The following HMGCLL1 variants were observed in gnomAD, a reference collection of about 807,000 sequenced individuals.
HMGCLL1 encodes 3-hydroxy-3-methylglutaryl-CoA lyase like 1.
In HMGCLL1, 36 loss-of-function variants were observed where a neutral mutation model predicts 39.1. That is an observed-to-expected ratio of 0.92 (90% CI 0.71 to 1.22). HMGCLL1 has a LOEUF of 1.22. Ranked by LOEUF, HMGCLL1 falls within the 50% of genes most tolerant of loss-of-function variation. The probability of loss-of-function intolerance (pLI) is 0.00; values close to 1 mark genes in which losing one functional copy is unlikely to be tolerated. For missense variants in HMGCLL1, 451 were observed against 416.5 expected (o/e 1.08, Z -0.72); for synonymous variants, 149 against 144.0 (o/e 1.03, Z -0.25).
chr6:55,633,478 A>T, the HMGCLL1 span, among the ~76,000 whole-genome samples: 1 of 149,572 alleles, frequency 6.7e-6, no homozygotes, highest in East Asian at 2.0e-4. Flanking sequence ...ATGGAATAAT[A>T]AAAAAAACAA....
At chr6:55,445,834 C>T (rs377471021) in intron 7 of HMGCLL1, among the ~76,000 whole-genome samples, 1 of 152,018 alleles carries the variant, frequency 6.6e-6, no homozygotes, top group Admixed American at 6.6e-5. Flanking sequence ...CAATATAGCA[C>T]CAAAATCCAC....
At chr6:55,483,938 T>A (rs970328128) in intron 7 of HMGCLL1, among the ~76,000 whole-genome samples, 1 of 152,164 alleles carries the variant, frequency 6.6e-6, no homozygotes, top group Non-Finnish European at 1.5e-5. Context: ...ACGTTATGTG[T>A]CATGGATGAA....
chr6:55,467,582 G>A (rs1764847593), intron 7 of HMGCLL1, among the ~76,000 whole-genome samples: 1 of 152,000 alleles, frequency 6.6e-6, no homozygotes, highest in Non-Finnish European at 1.5e-5. Flanking sequence ...TTAAGTGCAG[G>A]TATGTTCTTC....
the HMGCLL1 span, among the ~76,000 whole-genome samples, chr6:55,635,012 A>G: frequency 6.6e-6 from 1 of 152,094 alleles, no homozygotes; most frequent in Non-Finnish European, 1.5e-5. Flanking sequence ...AAATCTCCCT[A>G]AAGGACAGTT....
At chr6:55,492,319 C>T (rs892176267) in intron 7 of HMGCLL1, among the ~76,000 whole-genome samples, 2 of 152,118 alleles carry the variant, frequency 1.3e-5, no homozygotes, top group Admixed American at 6.6e-5. Flanking sequence ...CAGTTTTCTT[C>T]AATATATTTT....
chr6:55,462,895 C>T (rs1581807903), intron 7 of HMGCLL1, among the ~76,000 whole-genome samples: 1 of 152,152 alleles, frequency 6.6e-6, no homozygotes, highest in South Asian at 2.1e-4. Context: ...TTAAAAACAT[C>T]GTTTATGTAA....
intron 1 of HMGCLL1, among the ~76,000 whole-genome samples, chr6:55,544,523 C>A (rs1769844841): frequency 6.6e-6 from 1 of 152,088 alleles, no homozygotes; most frequent in African/African-American, 2.4e-5. Context: ...TGCCTTTTAT[C>A]AGGAATGATG....
chr6:55,670,444 T>G, the HMGCLL1 span, among the ~76,000 whole-genome samples: 105 of 152,018 alleles, frequency 6.9e-4, no homozygotes, highest in African/African-American at 2.4e-3. Flanking sequence ...ATCTGAGTTA[T>G]GTTACATTTT....
intron 7 of HMGCLL1, among the ~76,000 whole-genome samples, chr6:55,480,752 T>C (rs1253623356): frequency 1.3e-5 from 2 of 151,490 alleles, no homozygotes; most frequent in Admixed American, 6.6e-5. Flanking sequence ...AATAGACAAA[T>C]GGATAAAGAT....
intron 7 of HMGCLL1, among the ~76,000 whole-genome samples, chr6:55,464,761 C>T (rs570157168): frequency 3.3e-5 from 5 of 152,182 alleles, no homozygotes; most frequent in South Asian, 4.1e-4. Context: ...TCATCCCAGG[C>T]GCTGTGAACC....
At chr6:55,545,773 T>A (rs75279089) in intron 1 of HMGCLL1, among the ~76,000 whole-genome samples, 132 of 152,234 alleles carry the variant, frequency 8.7e-4, no homozygotes, top group African/African-American at 3.0e-3. Flanking sequence ...CTAGGCATTG[T>A]TTGTGCATAT....
Position 55,542,075 on chromosome 6 carries a change from T to G in HMGCLL1, c.174A>C (p.Gly58=). 1 of 1,605,374 alleles carries G rather than the reference T, an allele frequency of 6.2e-7. No individual in the cohort carries two copies. The highest frequency in any genetic ancestry group is 8.5e-7 in the Non-Finnish European group (1 of 1,173,406). The change falls in exon 2 of 9, where the codon GGA becomes GGC. Residue 58 remains glycine (G), a synonymous_variant. Transcript: ENST00000274901. The part of the protein sequence containing the change: ...VKIVEVGPRD[G]LQNEKVIVPT... ...GTAAAACTACCTTTTCATTCTGCAATCCATCCCTAGGCCCAACTTCTACTA... is the reference window on the plus strand; with the variant it reads ...GTAAAACTACCTTTTCATTCTGCAAGCCATCCCTAGGCCCAACTTCTACTA...
the HMGCLL1 span, among the ~76,000 whole-genome samples, chr6:55,614,457 G>A: frequency 2.6e-5 from 4 of 152,206 alleles, no homozygotes; most frequent in African/African-American, 7.2e-5. Flanking sequence ...AGAACTATGA[G>A]AAATAAATGT....
chr6:55,677,256 G>A, the HMGCLL1 span, among the ~76,000 whole-genome samples: 4 of 152,200 alleles, frequency 2.6e-5, no homozygotes, highest in African/African-American at 7.2e-5. Context: ...CAGGCATGAC[G>A]CTGCACACCT....
chr6:55,583,771 T>A (rs554516297), upstream of HMGCLL1, among the ~76,000 whole-genome samples: 1 of 152,318 alleles, frequency 6.6e-6, no homozygotes, highest in African/African-American at 2.4e-5. Context: ...ATTTTACTTT[T>A]GCTTCACTGG....
intron 1 of HMGCLL1, among the ~76,000 whole-genome samples, chr6:55,571,018 C>A (rs1561969536): frequency 6.6e-6 from 1 of 152,168 alleles, no homozygotes; most frequent in Non-Finnish European, 1.5e-5. Context: ...ACCACAAGAA[C>A]AGTATGCGGG....
chr6:55,454,632 A>G (rs924343446), intron 7 of HMGCLL1, among the ~76,000 whole-genome samples: 2 of 152,182 alleles, frequency 1.3e-5, no homozygotes, highest in Non-Finnish European at 2.9e-5. Context: ...TCACAAGGAC[A>G]GAGCTGAATG....
upstream of HMGCLL1, among the ~76,000 whole-genome samples, chr6:55,582,404 ATTTTGAAAAT>A (rs1026265875): frequency 2.0e-5 from 3 of 152,216 alleles, no homozygotes; most frequent in African/African-American, 7.2e-5. Context: ...AGTCTGAGAG[ATTTTGAAAAT>A]ATATATCTGA....
chr6:55,488,696 C>T (rs998482004), intron 7 of HMGCLL1, among the ~76,000 whole-genome samples: 3 of 152,002 alleles, frequency 2.0e-5, no homozygotes, highest in African/African-American at 7.2e-5. Flanking sequence ...TTATTAAATT[C>T]TCCACATCCT....
Sources: gnomAD v4.1 joint callset for allele counts (sites outside exome capture counted in the v4.1 genomes callset) on GRCh38, gnomAD v4.1.1 for gene constraint, MANE v1.5 for transcripts, NCBI Gene and HGNC (gene_info 2026-07-23, HGNC 2026-07-21) for gene names.